ETFA: variants seen among roughly 807,000 people sequenced by gnomAD.
ETFA encodes electron transfer flavoprotein subunit alpha, mitochondrial.
A neutral mutation model predicts 46.2 loss-of-function variants in ETFA; 22 were observed. That is an observed-to-expected ratio of 0.48 (90% CI 0.34 to 0.68). ETFA has a LOEUF of 0.68. Ranked by LOEUF, ETFA falls within the 30% of genes least tolerant of loss-of-function variation. ETFA has a pLI of 0.01. For missense variants in ETFA, 345 were observed against 401.1 expected (o/e 0.86, Z 1.19); for synonymous variants, 131 against 139.9 (o/e 0.94, Z 0.45).
chr15:76,260,504 G>A (rs1317128160), intron 9 of ETFA: 1 of 1,527,192 alleles, frequency 6.5e-7, no homozygotes, highest in African/African-American at 1.4e-5. Flanking sequence ...AGGGTCCACA[G>A]CCAACTGCAC....
At chr15:76,298,899 A>G (rs944368690) in intron 1 of ETFA, among the ~76,000 whole-genome samples, 3 of 152,248 alleles carry the variant, frequency 2.0e-5, no homozygotes, top group Non-Finnish European at 2.9e-5. Context: ...GAATATGACT[A>G]AAGAGTAAAA....
At chr15:76,261,459 A>T (rs772245318) in intron 9 of ETFA, 3 of 952,746 alleles carry the variant, frequency 3.1e-6, no homozygotes, top group Non-Finnish European at 4.9e-6. Flanking sequence ...CCACAGACCC[A>T]TCCTTCACCC....
intron 9 of ETFA, among the ~76,000 whole-genome samples, chr15:76,240,175 A>AGGGAAATGTCTAGAGGCAAAGCC (rs1265077019): frequency 2.6e-5 from 4 of 152,264 alleles, no homozygotes; most frequent in Non-Finnish European, 5.9e-5. Flanking sequence ...TAACTGCTAA[A>AGGGAAATGTCTAGAGGCAAAGCC]GGGAAATGTC....
intron 7 of ETFA, among the ~76,000 whole-genome samples, chr15:76,285,107 G>A: frequency 6.6e-6 from 1 of 151,932 alleles, no homozygotes; most frequent in East Asian, 1.9e-4. Context: ...TAGTCAGTGG[G>A]CCATAAAAAA....
chr15:76,261,342 C>G (rs2039410465), intron 9 of ETFA: 1 of 1,308,162 alleles, frequency 7.6e-7, no homozygotes, highest in Non-Finnish European at 1.1e-6. Flanking sequence ...GGGTTTCGCC[C>G]CCATCCACCT....
chr15:76,274,373 C>T (rs1196312325), intron 9 of ETFA, 39 bp downstream of exon 9: 1 of 1,427,898 alleles, frequency 7.0e-7, no homozygotes, highest in African/African-American at 1.4e-5. Flanking sequence ...TACTTATCCC[C>T]ATAACATTTT....
chr15:76,296,230 C>T (rs1001412852), intron 1 of ETFA, among the ~76,000 whole-genome samples: 2 of 151,860 alleles, frequency 1.3e-5, no homozygotes, highest in African/African-American at 2.4e-5. Context: ...TACAGGCATG[C>T]GCCACCGCAC....
At chr15:76,293,553 A>G (rs1434859568) in intron 2 of ETFA, among the ~76,000 whole-genome samples, 1 of 152,228 alleles carries the variant, frequency 6.6e-6, no homozygotes, top group Non-Finnish European at 1.5e-5. Flanking sequence ...CAGATTTTCT[A>G]TATTCAGAAG....
intron 9 of ETFA, among the ~76,000 whole-genome samples, chr15:76,261,903 C>G (rs1004424930): frequency 6.6e-6 from 1 of 152,194 alleles, no homozygotes; most frequent in Admixed American, 6.5e-5. Flanking sequence ...AACCCCAGCA[C>G]TTTGAGAGGC....
chr15:76,228,412 C>G (rs551426849), intron 10 of ETFA, among the ~76,000 whole-genome samples: 1 of 152,260 alleles, frequency 6.6e-6, no homozygotes, highest in South Asian at 2.1e-4. Flanking sequence ...TCTCCAACTC[C>G]TGGACTCAAG....
At chr15:76,297,590 A>T (rs2141546768) in intron 1 of ETFA, among the ~76,000 whole-genome samples, 1 of 152,214 alleles carries the variant, frequency 6.6e-6, no homozygotes, top group South Asian at 2.1e-4. Context: ...TACTTGCTGT[A>T]AATTATAGTT....
chr15:76,262,236 A>G (rs1019572968), intron 9 of ETFA, among the ~76,000 whole-genome samples: 1 of 152,084 alleles, frequency 6.6e-6, no homozygotes, highest in African/African-American at 2.4e-5. Flanking sequence ...GGGAAAAAAA[A>G]GAGGAAAAAG....
intron 5 of ETFA, among the ~76,000 whole-genome samples, chr15:76,287,035 C>A (rs994189711): frequency 4.6e-5 from 7 of 151,592 alleles, no homozygotes; most frequent in Non-Finnish European, 2.9e-5. Context: ...AGTCTAATTT[C>A]AGAATTAGCC....
At chr15:76,293,839 G>C (rs143693378) in intron 2 of ETFA, among the ~76,000 whole-genome samples, 1 of 152,184 alleles carries the variant, frequency 6.6e-6, no homozygotes, top group Non-Finnish European at 1.5e-5. Flanking sequence ...TACTACAGAG[G>C]CCCTTTATTA....
intron 9 of ETFA, among the ~76,000 whole-genome samples, chr15:76,241,713 A>T (rs1413959542): frequency 6.7e-6 from 1 of 148,240 alleles, no homozygotes; most frequent in African/African-American, 2.5e-5. Flanking sequence ...GAGGCAGGAG[A>T]ATGGCATGAA....
rs58091811 is a variant in ETFA at position 76,305,862 on chromosome 15, G to GT, written c.39+5487dup. 1.3e-3 allele frequency among the ~76,000 whole-genome samples: 184 copies of GT among 143,706 alleles called. 1 individual carries two copies. The highest frequency in any genetic ancestry group is 1.5e-3 in the African/African-American group (59 of 39,044). 94.3% of individuals were successfully genotyped at this position (143,706 alleles called of 152,430 possible). ...CTTCTCTTTTTCAACCTCAATAGTT[G>GT]TTTTTTTTTTTTTCTTGTGGGGGTG... On this transcript the variant is annotated intron_variant, in intron 1 of 11. Transcript: ENST00000557943.
At chr15:76,224,184 G>GA (rs968314116) in intron 11 of ETFA, among the ~76,000 whole-genome samples, 20 of 151,496 alleles carry the variant, frequency 1.3e-4, no homozygotes, top group African/African-American at 2.9e-4. Flanking sequence ...ATTACACAGA[G>GA]AAAAAAAAAT....
At chr15:76,286,915 G>A (rs928514428) in intron 5 of ETFA, among the ~76,000 whole-genome samples, 1 of 152,208 alleles carries the variant, frequency 6.6e-6, no homozygotes, top group Non-Finnish European at 1.5e-5. Context: ...GAACAGGTAT[G>A]AATGTGCTAA....
chr15:76,301,112 T>A (rs184349090), intron 1 of ETFA, among the ~76,000 whole-genome samples: 9 of 152,320 alleles, frequency 5.9e-5, no homozygotes, highest in African/African-American at 1.9e-4. Context: ...AGGGTTAAAT[T>A]AATAAATGTA....
Sources: allele counts gnomAD v4.1 joint callset (sites outside exome capture counted in the v4.1 genomes callset), GRCh38; gene constraint gnomAD v4.1.1; transcripts MANE v1.5; gene names NCBI Gene and HGNC (gene_info 2026-07-23, HGNC 2026-07-21).